Variants in CAPS2 observed in about 807,000 individuals in gnomAD.
CAPS2 encodes the protein calcyphosine 2, also known as calcyphosin-2.
In CAPS2, 98 loss-of-function variants were observed where a neutral mutation model predicts 86.5. That is an observed-to-expected ratio of 1.13 (90% confidence interval 0.96 to 1.34). The LOEUF (loss-of-function observed/expected upper bound fraction) is 1.34. Among genes scored for constraint, CAPS2 ranks in the 40% most tolerant of loss-of-function variants. The pLI is 0.00. For synonymous variants in CAPS2, 210 were observed against 225.1 expected (o/e 0.93, Z 0.60); for missense variants, 729 against 686.8 (o/e 1.06, Z -0.69).
rs751251473 is a variant in CAPS2, at chr12:75,310,391, G to T, written c.659+2457C>A. On this transcript the variant is annotated intron_variant, in intron 7 of 16. Transcript: ENST00000393284. ...AGATATGAGCTAAAATGAGTAAGCAGACATATAAATTTCTGGGGAAAAGGC... is the reference window on the plus strand; with the variant it reads ...AGATATGAGCTAAAATGAGTAAGCATACATATAAATTTCTGGGGAAAAGGC... 8.5e-5 allele frequency among the ~76,000 whole-genome samples: 13 copies of T among 152,112 alleles called. No homozygotes were observed. The East Asian group carries it at 2.5e-3, about 29-fold the overall frequency.
At chr12:75,339,574 G>A (rs1046692961) in intron 1 of CAPS2, among the ~76,000 whole-genome samples, 5 of 152,014 alleles carry the variant, frequency 3.3e-5, no homozygotes, top group African/African-American at 9.7e-5. Context: ...TTCTTTTGCC[G>A]TACAGAAGCT....
intron 15 of CAPS2, among the ~76,000 whole-genome samples, chr12:75,282,904 G>A (rs372143097): frequency 8.6e-4 from 131 of 152,218 alleles, no homozygotes; most frequent in Middle Eastern, 3.4e-3. Flanking sequence ...TCCTGACCTT[G>A]AGAAAGTAAC....
intron 1 of CAPS2, among the ~76,000 whole-genome samples, chr12:75,358,738 GGTTTAAATATATATAATATATTATATAT>G (rs1199158202): frequency 3.1e-5 from 4 of 129,692 alleles, no homozygotes; most frequent in Non-Finnish European, 4.8e-5. Flanking sequence ...TTATATATAT[GGTTTAAATATATATAATATATTATATAT>G]GTTTAAATAT....
chr12:75,316,121 A>AT (rs528691730), intron 6 of CAPS2, among the ~76,000 whole-genome samples, 191 bp downstream of exon 6: 10 of 152,196 alleles, frequency 6.6e-5, no homozygotes, highest in Middle Eastern at 3.4e-3. Flanking sequence ...ATTCCAGACA[A>AT]TTTTTTTACA....
chr12:75,298,898 T>C, exon 10 of CAPS2: 1 of 1,611,702 alleles, frequency 6.2e-7, no homozygotes, highest in Middle Eastern at 1.7e-4. Context: ...TCGATATTCA[T>C]AAATTGTAAG....
intron 1 of CAPS2, among the ~76,000 whole-genome samples, chr12:75,370,734 A>G (rs1254249177): frequency 6.6e-6 from 1 of 152,184 alleles, no homozygotes; most frequent in Admixed American, 6.5e-5. Context: ...TAGGAGATTT[A>G]TTTTTAAATA....
At chr12:75,326,089 G>T (rs2040753049) in intron 1 of CAPS2, among the ~76,000 whole-genome samples, 1 of 151,990 alleles carries the variant, frequency 6.6e-6, no homozygotes, top group African/African-American at 2.4e-5. Context: ...TTTCTGAAAT[G>T]TTATCTGACT....
chr12:75,301,638 G>A (rs2037829242), intron 8 of CAPS2, among the ~76,000 whole-genome samples: 2 of 152,140 alleles, frequency 1.3e-5, no homozygotes, highest in African/African-American at 4.8e-5. Context: ...AGACAGATGA[G>A]TAAATTGTCC....
At chr12:75,322,634 A>T (rs2040410538) in intron 4 of CAPS2, among the ~76,000 whole-genome samples, 1 of 152,200 alleles carries the variant, frequency 6.6e-6, no homozygotes, top group Non-Finnish European at 1.5e-5. Context: ...GAGCATAGCT[A>T]CTTACTCCAT....
intron 1 of CAPS2, chr12:75,370,668 A>C (rs2139706438): frequency 6.6e-6 from 1 of 152,504 alleles, no homozygotes; most frequent in South Asian, 2.1e-4. Context: ...AAATTAACTA[A>C]ATTTTCAACC....
chr12:75,324,445 C>T (rs532059604), intron 2 of CAPS2, among the ~76,000 whole-genome samples: 8 of 152,112 alleles, frequency 5.3e-5, no homozygotes, highest in Non-Finnish European at 1.2e-4. Context: ...GTAAAATTTA[C>T]AATAAACTTA....
chr12:75,372,717 C>A (rs138883382), intron 1 of CAPS2, among the ~76,000 whole-genome samples: 1 of 152,160 alleles, frequency 6.6e-6, no homozygotes, highest in East Asian at 1.9e-4. Flanking sequence ...ACCTAATTGG[C>A]GTAATTATGA....
chr12:75,296,894 T>C (rs1304870138), intron 11 of CAPS2, among the ~76,000 whole-genome samples: 1 of 152,206 alleles, frequency 6.6e-6, no homozygotes, highest in African/African-American at 2.4e-5. Flanking sequence ...ATTCAAGGGA[T>C]GTATTTTTAA....
At chr12:75,332,243 G>C (rs1053590200), upstream of CAPS2, among the ~76,000 whole-genome samples, 4 of 152,096 alleles carry the variant, frequency 2.6e-5, no homozygotes, top group African/African-American at 9.7e-5. Flanking sequence ...AACTAAATTA[G>C]CTATCTGTTA....
At chr12:75,357,575 G>T (rs536915927) in intron 1 of CAPS2, among the ~76,000 whole-genome samples, 7 of 152,082 alleles carry the variant, frequency 4.6e-5, no homozygotes, top group African/African-American at 1.7e-4. Flanking sequence ...AAGTGTACAT[G>T]AAATATTTAA....
intron 1 of CAPS2, among the ~76,000 whole-genome samples, chr12:75,375,314 C>T (rs570624807): frequency 6.6e-6 from 1 of 152,326 alleles, no homozygotes; most frequent in African/African-American, 2.4e-5. Context: ...TAAGCCCCTA[C>T]TTCAACTGGA....
chr12:75,305,687 G>A (rs1471115300), intron 7 of CAPS2: 11 of 657,712 alleles, frequency 1.7e-5, no homozygotes, highest in Non-Finnish European at 3.2e-5. Context: ...GTCTGGCCCG[G>A]CACAGCTGCT....
At chr12:75,323,603 C>T (rs566417669) in intron 2 of CAPS2, among the ~76,000 whole-genome samples, 2 of 152,154 alleles carry the variant, frequency 1.3e-5, no homozygotes, top group South Asian at 2.1e-4. Flanking sequence ...ACAAGCCAGG[C>T]GTGGTGACAC....
At chr12:75,317,654 T>C (rs2039900796) in intron 5 of CAPS2, among the ~76,000 whole-genome samples, 1 of 152,164 alleles carries the variant, frequency 6.6e-6, no homozygotes, top group African/African-American at 2.4e-5. Flanking sequence ...AAGCCTTAGA[T>C]CCATTGTTTT....
Sources: allele counts gnomAD v4.1 joint callset (sites outside exome capture counted in the v4.1 genomes callset), GRCh38; gene constraint gnomAD v4.1.1; transcripts MANE v1.5; gene names NCBI Gene and HGNC (gene_info 2026-07-23, HGNC 2026-07-21).